Variants in THRAP3 observed in about 807,000 individuals in gnomAD.
THRAP3 encodes thyroid hormone receptor-associated protein 3.
Under a neutral mutation model 101.0 loss-of-function variants are expected in THRAP3, and 16 were observed. The ratio of observed to expected loss-of-function variants is 0.16; its 90% CI spans 0.11 to 0.24. THRAP3 has a LOEUF of 0.24. Ranked by LOEUF, THRAP3 falls within the 10% of genes least tolerant of loss-of-function variation. The pLI is 1.00. For synonymous variants in THRAP3, 407 were observed against 422.6 expected (o/e 0.96, Z 0.45); for missense variants, 989 against 1,202.7 (o/e 0.82, Z 2.63).
chr1:36,256,664 T>C (rs1234313281), intron 1 of THRAP3, among the ~76,000 whole-genome samples: 1 of 152,236 alleles, frequency 6.6e-6, no homozygotes, highest in Admixed American at 6.5e-5. Context: ...TTTTATGCTC[T>C]AAACACTCCA....
chr1:36,268,634 G>A (rs1051601983), intron 2 of THRAP3, among the ~76,000 whole-genome samples: 2 of 152,040 alleles, frequency 1.3e-5, no homozygotes, highest in Admixed American at 6.6e-5. Flanking sequence ...TCCATAGTAC[G>A]AGGGACCATA....
chr1:36,276,003 A>G (rs986131182), intron 2 of THRAP3, among the ~76,000 whole-genome samples: 1 of 152,126 alleles, frequency 6.6e-6, no homozygotes, highest in Admixed American at 6.5e-5. Flanking sequence ...TGAGTGACAG[A>G]GTGAAACCCT....
At position 36,303,980 on chromosome 1, in the gene THRAP3, G is replaced by C. The variant is rs1205189924; in HGVS notation, c.2831G>C (p.Arg944Pro). 11 of 1,598,814 alleles carry C rather than the reference G, an allele frequency of 6.9e-6. No homozygotes were observed. Among genetic ancestry groups the C allele is most frequent in the Non-Finnish European group, 9.4e-6 (11 of 1,172,956 alleles). ...IEDDESGTENREEKDNIQPTT... is the reference protein window; with the variant it reads ...IEDDESGTENPEEKDNIQPTT... ...GACGACGAGAGTGGGACAGAGAACCGAGAAGAGAAGGACAATATACAGCCC... is the reference window on the plus strand; with the variant it reads ...GACGACGAGAGTGGGACAGAGAACCCAGAAGAGAAGGACAATATACAGCCC... Residue 944 changes from arginine to proline, a missense_variant, in exon 12 of 12, where the codon CGA becomes CCA. Transcript: ENST00000354618.
chr1:36,287,841 G>A (rs1389861752), intron 4 of THRAP3: 1 of 985,318 alleles, frequency 1.0e-6, no homozygotes, highest in East Asian at 1.1e-4. Flanking sequence ...GGACATGACA[G>A]TGCTTCCGTC....
intron 8 of THRAP3, chr1:36,294,261 C>CAGTTCACCT: frequency 9.2e-7 from 1 of 1,083,118 alleles, no homozygotes. Context: ...ATCAAATCAA[C>CAGTTCACCT]TGTATACATG....
upstream of THRAP3, among the ~76,000 whole-genome samples, chr1:36,223,090 G>T (rs1644915182): frequency 6.6e-6 from 1 of 152,052 alleles, no homozygotes; most frequent in African/African-American, 2.4e-5. Context: ...TCGCACCACT[G>T]CCCTCCAGCC....
chr1:36,242,014 C>A, intron 1 of THRAP3: 1 of 177,006 alleles, frequency 5.6e-6, no homozygotes. Context: ...TGCCATTTTG[C>A]TAACACTGGT....
At chr1:36,303,024 C>T (rs1382403329) in intron 11 of THRAP3, among the ~76,000 whole-genome samples, 1 of 151,962 alleles carries the variant, frequency 6.6e-6, no homozygotes, top group Non-Finnish European at 1.5e-5. Context: ...TGGCTCACTG[C>T]AGCCTCTGCC....
chr1:36,291,124 G>T (rs1645862894), intron 5 of THRAP3, among the ~76,000 whole-genome samples: 1 of 152,136 alleles, frequency 6.6e-6, no homozygotes. Flanking sequence ...CATTTGTTGG[G>T]TGTGTTAAAA....
chr1:36,270,679 G>A (rs1645580020), intron 2 of THRAP3, among the ~76,000 whole-genome samples: 1 of 148,252 alleles, frequency 6.7e-6, no homozygotes, highest in Non-Finnish European at 1.5e-5. Flanking sequence ...CTGGGCTCAA[G>A]TGATTCTCCT....
Position 36,274,074 on chromosome 1 carries a change from TGTCACACACACACA to T in THRAP3, c.-31-8458_-31-8445del, listed in dbSNP as rs1287642118. On this transcript the variant is annotated intron_variant, in intron 2 of 11. Coordinates refer to ENST00000354618, the MANE Select transcript of THRAP3 (RefSeq NM_005119.4). Reference sequence around the variant, plus strand: ...AAAAAAAAGACTGTGTGTGTGTGTGTGTCACACACACACACACACACACACACACACACAGACAA... The same window carrying T: ...AAAAAAAAGACTGTGTGTGTGTGTGTCACACACACACACACACACAGACAA... Among the ~76,000 whole-genome samples, 662 of 126,028 alleles carry T rather than the reference TGTCACACACACACA, an allele frequency of 5.3e-3. 3 individuals carry two copies. The highest frequency in any genetic ancestry group is 9.6e-3 in the Admixed American group (118 of 12,264). The allele number at this position is 126,028 out of a possible 152,430, so 82.7% of individuals were successfully genotyped here.
At chr1:36,218,053 A>G in the THRAP3 span, among the ~76,000 whole-genome samples, 1 of 152,188 alleles carries the variant, frequency 6.6e-6, no homozygotes, top group African/African-American at 2.4e-5. Flanking sequence ...CAAGTTGTGA[A>G]CGCAGAGAAA....
upstream of THRAP3, among the ~76,000 whole-genome samples, chr1:36,221,901 C>T (rs1240416022): frequency 6.6e-6 from 1 of 150,786 alleles, no homozygotes; most frequent in East Asian, 2.0e-4. Flanking sequence ...CCTCTGCCTT[C>T]TGGGTTCAAG....
At chr1:36,274,441 G>T (rs1042612234) in intron 2 of THRAP3, among the ~76,000 whole-genome samples, 1 of 152,096 alleles carries the variant, frequency 6.6e-6, no homozygotes, top group African/African-American at 2.4e-5. Context: ...ATATGGACAT[G>T]TACCTAGAAT....
At chr1:36,296,026 T>C (rs1291125720) in intron 8 of THRAP3, among the ~76,000 whole-genome samples, 1 of 136,894 alleles carries the variant, frequency 7.3e-6, no homozygotes, top group Non-Finnish European at 1.5e-5. Context: ...CAGGATGGAG[T>C]GCAGTGGTGC....
In THRAP3 at chr1:36,289,221, A is replaced by G; in HGVS notation, c.1202A>G (p.Lys401Arg). Residue 401 changes from lysine (K) to arginine (R), a missense_variant, in exon 5 of 12, where the codon AAG (lysine) becomes AGG (arginine). Coordinates refer to ENST00000354618, the MANE Select transcript of THRAP3 (RefSeq NM_005119.4). ...TTTGCTCCCAAAACTGATTCTGAGA[A>G]GCCTTTTCGGGGCAGTCAGTCTCCC... Reference protein sequence around the residue: ...DSFAPKTDSEKPFRGSQSPKR... With the variant: ...DSFAPKTDSERPFRGSQSPKR... The G allele has an allele frequency of 6.2e-7, 1 of 1,614,206 alleles. No individual in the cohort carries two copies. Among genetic ancestry groups the G allele is most frequent in the East Asian group, 2.2e-5 (1 of 44,892 alleles).
chr1:36,277,886 A>C (rs1645681338), intron 2 of THRAP3, among the ~76,000 whole-genome samples: 1 of 151,874 alleles, frequency 6.6e-6, no homozygotes. Flanking sequence ...CAGCCTCCCA[A>C]GTAGCTGGGA....
rs71053916 is a variant in THRAP3 at position 36,252,927 on chromosome 1, CATATATATATATATATATAT to C, written c.-134-6431_-134-6412del. 6.5e-3 allele frequency among the ~76,000 whole-genome samples: 495 copies of C among 76,580 alleles called. 2 individuals are homozygous for C. Among genetic ancestry groups the C allele is most frequent in the African/African-American group, 0.012 (258 of 21,994 alleles). The allele number at this position is 76,580 out of a possible 152,430, so 50.2% of individuals were successfully genotyped here. On this transcript the variant is annotated intron_variant, in intron 1 of 11. Transcript: ENST00000354618. ...GTCTCAAAAAATATATATAGATAGG[CATATATATATATATATATAT>C]ATATATATATATATATATATATAAA...
intron 3 of THRAP3, among the ~76,000 whole-genome samples, chr1:36,285,027 C>T (rs1645778478): frequency 6.6e-6 from 1 of 151,816 alleles, no homozygotes; most frequent in Non-Finnish European, 1.5e-5. Flanking sequence ...AATCTGAGTA[C>T]AGTGGGCAAT....
Sources: gnomAD v4.1 joint callset for allele counts (sites outside exome capture counted in the v4.1 genomes callset) on GRCh38, gnomAD v4.1.1 for gene constraint, MANE v1.5 for transcripts, NCBI Gene and HGNC (gene_info 2026-07-23, HGNC 2026-07-21) for gene names.